The following TTLL11 variants were observed in gnomAD, a reference collection of about 807,000 sequenced individuals.
TTLL11 encodes tubulin polyglutamylase TTLL11.
Under a neutral mutation model 51.7 loss-of-function variants are expected in TTLL11, and 42 were observed. The observed-to-expected ratio is 0.81, with a 90% CI of 0.64 to 1.05. The LOEUF (loss-of-function observed/expected upper bound fraction) is 1.05, where lower values mean the gene tolerates loss of function less well. Among genes scored for constraint, TTLL11 ranks in the 50% least tolerant of loss-of-function variants. The pLI, the probability that TTLL11 is intolerant of heterozygous loss-of-function variation, is 0.00. For synonymous variants in TTLL11, 381 were observed against 383.5 expected (o/e 0.99, Z 0.08); for missense variants, 799 against 940.4 (o/e 0.85, Z 1.97).
chr9:121,960,707 C>T (rs912877761), intron 6 of TTLL11, among the ~76,000 whole-genome samples: 2 of 152,190 alleles, frequency 1.3e-5, no homozygotes, highest in African/African-American at 4.8e-5. Flanking sequence ...CAGGACCGGT[C>T]TACGGTGCTG....
chr9:121,870,237 C>T (rs1292993237), intron 7 of TTLL11, among the ~76,000 whole-genome samples: 2 of 152,214 alleles, frequency 1.3e-5, no homozygotes, highest in African/African-American at 4.8e-5. Flanking sequence ...GTTTTCAGGA[C>T]TCAGCTCAAG....
intron 6 of TTLL11, among the ~76,000 whole-genome samples, chr9:121,954,039 G>A (rs1210500159): frequency 1.3e-5 from 2 of 152,194 alleles, no homozygotes; most frequent in African/African-American, 4.8e-5. Flanking sequence ...GAGCTTCTCT[G>A]AACTACCTTT....
In TTLL11 at chr9:122,092,920, T is replaced by C. The variant is rs2131954094; in HGVS notation, c.229A>G (p.Asn77Asp). The C allele has an allele frequency of 6.3e-7, 1 of 1,579,186 alleles. No homozygotes were observed. Among genetic ancestry groups the C allele is most frequent in the African/African-American group, 1.4e-5 (1 of 74,064 alleles). ...PAQPSAAEEG[N>D]TQVLQRPPPT... is the part of the protein sequence containing the mutation. The stretch of plus-strand genomic sequence containing the variant: ...GGCGGCCGCTGAAGGACCTGGGTGT[T>C]CCCCTCCTCAGCCGCACTGGGCTGC... The change falls in exon 1 of 9, where the codon AAC (asparagine) becomes GAC (aspartate). Residue 77 changes from asparagine (N) to aspartate (D), a missense_variant. This residue lies in a region of TTLL11 where 166 missense variants were observed against 161.6 expected (regional missense o/e 1.03). Coordinates refer to ENST00000321582, the MANE Select transcript of TTLL11 (RefSeq NM_001139442.2).
At chr9:122,036,964 G>A (rs937952709) in intron 2 of TTLL11, among the ~76,000 whole-genome samples, 12 of 152,104 alleles carry the variant, frequency 7.9e-5, no homozygotes, top group Admixed American at 2.6e-4. Context: ...TCCAATCACC[G>A]GCATGTGGAA....
At chr9:121,990,921 C>A (rs1314668246) in intron 3 of TTLL11, among the ~76,000 whole-genome samples, 1 of 152,202 alleles carries the variant, frequency 6.6e-6, no homozygotes, top group Non-Finnish European at 1.5e-5. Flanking sequence ...CCCATTGCCC[C>A]TGATGCTGGT....
At chr9:122,017,577 C>T (rs1268984959) in intron 3 of TTLL11, among the ~76,000 whole-genome samples, 1 of 151,536 alleles carries the variant, frequency 6.6e-6, no homozygotes, top group Non-Finnish European at 1.5e-5. Flanking sequence ...ATTCTCCTGC[C>T]TCAGCCTCCC....
intron 1 of TTLL11, among the ~76,000 whole-genome samples, chr9:122,063,821 A>T (rs910017844): frequency 8.6e-5 from 13 of 152,010 alleles, no homozygotes; most frequent in African/African-American, 2.9e-4. Context: ...TCCTGGGCAA[A>T]CCAGGACAGC....
intron 1 of TTLL11, among the ~76,000 whole-genome samples, chr9:122,082,752 G>T (rs1044112303): frequency 3.9e-5 from 6 of 152,154 alleles, no homozygotes; most frequent in Admixed American, 6.5e-5. Context: ...TGAAATATCT[G>T]CTGGGTACAG....
chr9:122,005,189 A>G (rs1588197603), intron 3 of TTLL11, among the ~76,000 whole-genome samples: 1 of 152,182 alleles, frequency 6.6e-6, no homozygotes, highest in Non-Finnish European at 1.5e-5. Context: ...TACAGGCTGG[A>G]GCCTGATCAT....
rs1211281388 is a variant in TTLL11, at chr9:121,860,405, G to A, written c.1772C>T (p.Ala591Val). 3 of 1,551,248 alleles carry A rather than the reference G, an allele frequency of 1.9e-6. No individual in the cohort carries two copies. The highest frequency in any genetic ancestry group is 2.6e-6 in the Non-Finnish European group (3 of 1,146,954). The change falls in exon 8 of 9, where the codon GCC becomes GTC. Residue 591 changes from alanine to valine, a missense_variant. Transcript: ENST00000321582. ...GATGTCAATGTAGAGGATGTCCACG[G>A]CAGCCATGGACAGGCTGCTGCTGCT... ...KLSSSSLSMA[A>V]VDILYIDITR...
chr9:121,994,203 C>T (rs1843190207), intron 3 of TTLL11, among the ~76,000 whole-genome samples: 1 of 151,072 alleles, frequency 6.6e-6, no homozygotes, highest in African/African-American at 2.5e-5. Flanking sequence ...AAAGGAAGGA[C>T]CTGGGCAGAT....
chr9:122,031,656 A>G, intron 3 of TTLL11, 67 bp downstream of exon 3: 2 of 1,562,732 alleles, frequency 1.3e-6, no homozygotes, highest in Non-Finnish European at 1.7e-6. Context: ...CTCCCAGCAC[A>G]CAGGACCCAG....
At chr9:121,905,544 G>A (rs1259599286) in intron 6 of TTLL11, among the ~76,000 whole-genome samples, 2 of 151,966 alleles carry the variant, frequency 1.3e-5, no homozygotes, top group Non-Finnish European at 2.9e-5. Context: ...GTAGAGACGA[G>A]GTTTCACCAT....
chr9:121,950,620 G>A (rs761558624), intron 6 of TTLL11, among the ~76,000 whole-genome samples: 12 of 152,154 alleles, frequency 7.9e-5, no homozygotes, highest in Non-Finnish European at 1.6e-4. Context: ...AGAGCTCACC[G>A]GGCAAGGGAG....
chr9:121,826,682 G>A (rs1224176792), intron 8 of TTLL11, among the ~76,000 whole-genome samples: 2 of 150,610 alleles, frequency 1.3e-5, no homozygotes, highest in East Asian at 3.9e-4. Context: ...AAACCCTCTG[G>A]AGCATCCGTG....
chr9:121,955,230 T>C (rs1841984060), intron 6 of TTLL11, among the ~76,000 whole-genome samples: 3 of 152,218 alleles, frequency 2.0e-5, no homozygotes, highest in Admixed American at 2.0e-4. Flanking sequence ...CATTTACTTA[T>C]ATAAATTCCC....
chr9:121,822,953 C>G lies in TTLL11; in HGVS notation c.1841-74G>C. On this transcript the variant is annotated intron_variant, in intron 8 of 8. Coordinates refer to ENST00000321582, the MANE Select transcript of TTLL11 (RefSeq NM_001139442.2). This position sits in a 1 kb window ranked among gnomAD's most constrained non-coding sequence, Gnocchi z 5.8. ...TGCCCTGGGAAGGCCCACCTCCAGCCACAAGGATGTCAGCAAGAGCTAGCC... is the reference window on the plus strand; with the variant it reads ...TGCCCTGGGAAGGCCCACCTCCAGCGACAAGGATGTCAGCAAGAGCTAGCC... 6.9e-7 allele frequency: 1 copy of G among 1,444,858 alleles called. No homozygotes were observed. The highest frequency in any genetic ancestry group is 9.2e-7 in the Non-Finnish European group (1 of 1,088,634). The allele number at this position is 1,444,858 out of a possible 1,614,324, so 89.5% of individuals were successfully genotyped here. A position where few individuals can be genotyped will look rare whatever the true frequency, so the allele number is the denominator to read the frequency against.
chr9:121,974,905 C>T lies in TTLL11; in HGVS notation c.1344G>A (p.Met448Ile). ...TTACTTCGTGCTCATGTTCGATTCT[C>T]ATACTGGGATTTGCATTTACTTCAA... The part of the protein sequence containing the change: ...ILLEVNANPS[M>I]RIEHEHELSP... Residue 448 changes from methionine to isoleucine, a missense_variant, in exon 5 of 9, where the codon ATG becomes ATA. By Grantham distance (10) the Met-to-Ile change is conservative (BLOSUM62 1). Around this residue, in one of 3 missense-constraint regions of TTLL11, gnomAD observed 468 missense variants for 612.8 expected, o/e 0.76. Coordinates refer to ENST00000321582, the MANE Select transcript of TTLL11 (RefSeq NM_001139442.2). 1 of 1,545,690 alleles carries T rather than the reference C, an allele frequency of 6.5e-7. No individual in the cohort carries two copies. The highest frequency in any genetic ancestry group is 8.7e-7 in the Non-Finnish European group (1 of 1,145,708).
chr9:121,895,369 G>A (rs1839425084), intron 6 of TTLL11, among the ~76,000 whole-genome samples: 1 of 151,334 alleles, frequency 6.6e-6, no homozygotes, highest in Admixed American at 6.6e-5. Context: ...TGTGTATTGT[G>A]TGATGTGCGG....
Sources: gnomAD v4.1 joint callset for allele counts (sites outside exome capture counted in the v4.1 genomes callset) on GRCh38, gnomAD v4.1.1 for gene constraint, gnomAD v4.1.1 regional missense constraint, Gnocchi (gnomAD v3.1) non-coding constraint, MANE v1.5 for transcripts, NCBI Gene and HGNC (gene_info 2026-07-23, HGNC 2026-07-21) for gene names.